Variants in PRKCE observed in about 807,000 individuals in gnomAD.
PRKCE encodes protein kinase C epsilon type.
In PRKCE, 16 loss-of-function variants were observed where a neutral mutation model predicts 85.4. The ratio of observed to expected loss-of-function variants is 0.19; its 90% CI spans 0.13 to 0.28. PRKCE has a LOEUF of 0.28. Ranked by LOEUF, PRKCE falls within the 10% of genes least tolerant of loss-of-function variation. The pLI, the probability that PRKCE is intolerant of heterozygous loss-of-function variation, is 1.00. For missense variants in PRKCE, 573 were observed against 975.2 expected, an observed-to-expected ratio of 0.59 and a Z score of 5.49; for synonymous variants, 388 against 371.5, an observed-to-expected ratio of 1.04 and a Z score of -0.51.
intron 11 of PRKCE, among the ~76,000 whole-genome samples, chr2:46,097,369 A>T (rs1197293771): frequency 7.2e-5 from 11 of 151,874 alleles, no homozygotes; most frequent in Admixed American, 7.2e-4. Context: ...ATACAAAAAA[A>T]ATTAGCCGGG....
chr2:45,670,521 T>C (rs1037172975), intron 1 of PRKCE, among the ~76,000 whole-genome samples: 2 of 152,226 alleles, frequency 1.3e-5, no homozygotes, highest in South Asian at 2.1e-4. Flanking sequence ...TTTATTTATG[T>C]GAGTACGTAT....
intron 2 of PRKCE, among the ~76,000 whole-genome samples, chr2:45,873,469 A>C (rs13000013): frequency 0.87 from 130,775 of 149,968 alleles, 57,394 homozygotes; most frequent in East Asian, 0.99. Flanking sequence ...AAAAAAAAAA[A>C]AAAAAAACAA....
chr2:45,699,810 C>T (rs1046941699), intron 1 of PRKCE, among the ~76,000 whole-genome samples: 10 of 152,080 alleles, frequency 6.6e-5, no homozygotes, highest in East Asian at 1.9e-4. Flanking sequence ...TGGGCTGATG[C>T]GGGAGGTGTG....
chr2:45,664,992 C>A (rs1675845565), intron 1 of PRKCE, among the ~76,000 whole-genome samples: 1 of 152,134 alleles, frequency 6.6e-6, no homozygotes, highest in Non-Finnish European at 1.5e-5. Context: ...AAAGGTGCTG[C>A]CTTTAGAGAG....
chr2:45,947,736 C>A (rs1362595376), intron 2 of PRKCE, among the ~76,000 whole-genome samples: 2 of 152,150 alleles, frequency 1.3e-5, no homozygotes, highest in African/African-American at 4.8e-5. Context: ...TTGATAGGCA[C>A]TTAGGCTTCC....
intron 1 of PRKCE, among the ~76,000 whole-genome samples, chr2:45,761,031 T>TA (rs900223274): frequency 8.6e-5 from 13 of 151,448 alleles, no homozygotes; most frequent in African/African-American, 1.7e-4. Context: ...TGATTTTACT[T>TA]AAAAAAAAAT....
chr2:45,747,794 C>T (rs1461229121), intron 1 of PRKCE, among the ~76,000 whole-genome samples: 1 of 152,192 alleles, frequency 6.6e-6, no homozygotes, highest in Non-Finnish European at 1.5e-5. Flanking sequence ...TTTTTCATAG[C>T]AGCTGCACCA....
chr2:45,920,040 C>T (rs1402279028), intron 2 of PRKCE, among the ~76,000 whole-genome samples: 1 of 152,218 alleles, frequency 6.6e-6, no homozygotes, highest in Non-Finnish European at 1.5e-5. Context: ...CAGGCCATGT[C>T]TGTACATGTA....
chr2:46,163,804 C>T (rs1306083349), intron 14 of PRKCE, among the ~76,000 whole-genome samples: 2 of 148,674 alleles, frequency 1.3e-5, no homozygotes, highest in Non-Finnish European at 3.0e-5. Context: ...CACTGAGAGA[C>T]ATGGGGAAGC....
chr2:46,108,956 T>G (rs1671998545), intron 11 of PRKCE, among the ~76,000 whole-genome samples: 1 of 126,590 alleles, frequency 7.9e-6, no homozygotes, highest in Non-Finnish European at 1.9e-5. Context: ...TTGTCAAGAC[T>G]GTTCTTTTTT....
At chr2:46,171,789 G>A (rs1230968285) in intron 14 of PRKCE, among the ~76,000 whole-genome samples, 3 of 152,238 alleles carry the variant, frequency 2.0e-5, no homozygotes, top group South Asian at 4.1e-4. Flanking sequence ...AGCTAAGGCT[G>A]TCCCAGGCAC....
Position 45,887,394 on chromosome 2 carries a change from A to G in PRKCE, c.412+44331A>G, listed in dbSNP as rs916565198. Among the ~76,000 whole-genome samples, 6 of 118,432 alleles carry G rather than the reference A, an allele frequency of 5.1e-5. No homozygotes were observed. In the Admixed American group the frequency reaches 5.1e-4, roughly 10 times the overall value. 77.7% of individuals were successfully genotyped at this position (118,432 alleles called of 152,430 possible). On this transcript the variant is annotated intron_variant, in intron 2 of 14. Transcript: ENST00000306156. ...GGTGTAGGTCGAGGTTCAGTTGTAG[A>G]AAGCAGAATATATCACAGCAAACAA...
intron 2 of PRKCE, among the ~76,000 whole-genome samples, chr2:45,857,341 A>G (rs1692758184): frequency 6.6e-6 from 1 of 152,228 alleles, no homozygotes; most frequent in Non-Finnish European, 1.5e-5. Flanking sequence ...TTGTTCAGAA[A>G]CAATTTCTGG....
intron 1 of PRKCE, among the ~76,000 whole-genome samples, chr2:45,799,427 C>T (rs1687687132): frequency 6.6e-6 from 1 of 151,954 alleles, no homozygotes; most frequent in Non-Finnish European, 1.5e-5. Flanking sequence ...GTGGCATGTG[C>T]CTGTAGTCCT....
intron 1 of PRKCE, among the ~76,000 whole-genome samples, chr2:45,709,613 TGA>T (rs1679433245): frequency 1.3e-5 from 2 of 152,242 alleles, no homozygotes; most frequent in African/African-American, 4.8e-5. Context: ...TGCCTTAGTG[TGA>T]CTGCTGCAGC....
rs565175495 is a variant in PRKCE at position 45,717,290 on chromosome 2, A to G, written c.348+64842A>G. On this transcript the variant is annotated intron_variant, in intron 1 of 14. Coordinates refer to ENST00000306156, the MANE Select transcript of PRKCE (RefSeq NM_005400.3). ...TTGTGTGTCTGTCAAGTCTGTTTGGACCTATGGGTTAAAGAGCAGCACTTA... is the reference window on the plus strand; with the variant it reads ...TTGTGTGTCTGTCAAGTCTGTTTGGGCCTATGGGTTAAAGAGCAGCACTTA... 2.6e-5 allele frequency among the ~76,000 whole-genome samples: 4 copies of G among 152,212 alleles called. No homozygotes were observed. In the East Asian group the frequency reaches 7.7e-4, roughly 29 times the overall value.
At chr2:45,935,570 T>C (rs1374358498) in intron 2 of PRKCE, among the ~76,000 whole-genome samples, 1 of 152,172 alleles carries the variant, frequency 6.6e-6, no homozygotes, top group Non-Finnish European at 1.5e-5. Flanking sequence ...GTGGATCACT[T>C]GAGGCCAGGA....
chr2:45,881,118 A>G (rs1039270681), intron 2 of PRKCE, among the ~76,000 whole-genome samples: 2 of 141,004 alleles, frequency 1.4e-5, no homozygotes, highest in African/African-American at 2.7e-5. Context: ...CCGCCACTGC[A>G]CTCCAGCCTG....
At chr2:45,822,357 A>G (rs1689600896) in intron 1 of PRKCE, among the ~76,000 whole-genome samples, 1 of 152,214 alleles carries the variant, frequency 6.6e-6, no homozygotes. Context: ...GGCTCTTGGG[A>G]GAAATGAGAA....
Sources: gnomAD v4.1 joint callset for allele counts (sites outside exome capture counted in the v4.1 genomes callset) on GRCh38, gnomAD v4.1.1 for gene constraint, MANE v1.5 for transcripts, NCBI Gene and HGNC (gene_info 2026-07-23, HGNC 2026-07-21) for gene names.